The following MDFIC2 variants were observed in gnomAD, a reference collection of about 807,000 sequenced individuals.
MDFIC2 encodes myoD family inhibitor domain-containing protein 2.
intron 2 of MDFIC2, among the ~76,000 whole-genome samples, chr3:70,271,269 G>T (rs546369292): frequency 8.5e-5 from 13 of 152,152 alleles, no homozygotes; most frequent in African/African-American, 2.9e-4. Flanking sequence ...GACTAGGCAG[G>T]TAAGTAAATC....
intron 2 of MDFIC2, among the ~76,000 whole-genome samples, chr3:70,275,743 A>G (rs1192941501): frequency 6.6e-6 from 1 of 152,230 alleles, no homozygotes; most frequent in Non-Finnish European, 1.5e-5. Flanking sequence ...GTACAATTAA[A>G]TAAGTTATGA....
chr3:70,237,580 C>T (rs1017208426), intron 2 of MDFIC2, among the ~76,000 whole-genome samples: 1 of 152,216 alleles, frequency 6.6e-6, no homozygotes, highest in Admixed American at 6.5e-5. Context: ...AGGACAGGCT[C>T]TAATGTTTTT....
intron 2 of MDFIC2, among the ~76,000 whole-genome samples, chr3:70,217,642 C>T (rs1243887997): frequency 6.6e-6 from 1 of 152,162 alleles, no homozygotes; most frequent in Non-Finnish European, 1.5e-5. Flanking sequence ...ATATCCACCA[C>T]CTTTCTGTGG....
chr3:70,226,882 G>A (rs753631451), intron 2 of MDFIC2, among the ~76,000 whole-genome samples: 5 of 152,136 alleles, frequency 3.3e-5, no homozygotes, highest in Non-Finnish European at 5.9e-5. Flanking sequence ...GATGGAAAAG[G>A]AGAGAAGAGG....
chr3:70,303,864 G>A (rs1321964231), intron 2 of MDFIC2, among the ~76,000 whole-genome samples: 21 of 151,918 alleles, frequency 1.4e-4, no homozygotes, highest in Admixed American at 1.3e-3. Flanking sequence ...TGTATTTTTA[G>A]TAGAGATGGA....
chr3:70,252,896 A>G lies in MDFIC2; in HGVS notation c.89-46106T>C, dbSNP rs113696491. On this transcript the variant is annotated intron_variant, in intron 2 of 3. Coordinates refer to ENST00000567252, the MANE Select transcript of MDFIC2 (RefSeq NM_001364677.1). The stretch of plus-strand genomic sequence containing the variant: ...GGAGTTCGAGACCAGCGTGGCCAAC[A>G]TCGTGAAACCCCCTCTCTACTAAAA... 3.9e-4 allele frequency among the ~76,000 whole-genome samples: 59 copies of G among 152,180 alleles called. 1 individual carries two copies. Among genetic ancestry groups the G allele is most frequent in the African/African-American group, 1.4e-3 (59 of 41,536 alleles).
rs944869875 is a variant in MDFIC2, at chr3:70,206,744, A to G, written c.135T>C (p.Asn45=). The G allele has an allele frequency of 1.0e-5, 4 of 397,780 alleles. No homozygotes were observed. Among genetic ancestry groups the G allele is most frequent in the Admixed American group, 4.4e-5 (1 of 22,664 alleles). The allele number at this position is 397,780 out of a possible 1,614,324, so 24.6% of individuals were successfully genotyped here. A position where few individuals can be genotyped will look rare whatever the true frequency, so the allele number is the denominator to read the frequency against. Residue 45 remains asparagine (N), a synonymous_variant, in exon 3 of 4, where the codon AAT becomes AAC. Coordinates refer to ENST00000567252, the MANE Select transcript of MDFIC2 (RefSeq NM_001364677.1). ...CAGATACTGAATTTATAACAATAGC[A>G]TTAATGGGTTTCTCATCTGCATGCT... ...NAKHADEKPI[N]AIVINSVSDF...
intron 2 of MDFIC2, among the ~76,000 whole-genome samples, chr3:70,218,803 T>C (rs2106735169): frequency 6.6e-6 from 1 of 152,292 alleles, no homozygotes; most frequent in South Asian, 2.1e-4. Context: ...TCAAGTGCAT[T>C]GACTGTGCTT....
chr3:70,212,546 T>G (rs984499721), intron 2 of MDFIC2, among the ~76,000 whole-genome samples: 1 of 152,158 alleles, frequency 6.6e-6, no homozygotes, highest in African/African-American at 2.4e-5. Context: ...GTCTGCTTTT[T>G]CATTTCCATT....
At chr3:70,305,171 T>A (rs1219535192) in intron 2 of MDFIC2, among the ~76,000 whole-genome samples, 1 of 152,220 alleles carries the variant, frequency 6.6e-6, no homozygotes, top group East Asian at 1.9e-4. Context: ...ATCTACTTCA[T>A]GGTCTTGTTT....
chr3:70,309,097 C>T (rs1364805246), intron 2 of MDFIC2, among the ~76,000 whole-genome samples: 3 of 151,844 alleles, frequency 2.0e-5, no homozygotes, highest in East Asian at 1.9e-4. Flanking sequence ...GGTTGGAGGT[C>T]GACACATTTA....
At chr3:70,251,011 A>G (rs1051227099) in intron 2 of MDFIC2, among the ~76,000 whole-genome samples, 2 of 152,242 alleles carry the variant, frequency 1.3e-5, no homozygotes, top group African/African-American at 2.4e-5. Context: ...TTGTGAAATC[A>G]CCATTTAAAC....
At chr3:70,255,393 T>C (rs1041148766) in intron 2 of MDFIC2, among the ~76,000 whole-genome samples, 1 of 152,144 alleles carries the variant, frequency 6.6e-6, no homozygotes, top group African/African-American at 2.4e-5. Context: ...TAAGTAGATA[T>C]GGAATAAGCA....
chr3:70,303,413 A>C (rs1001692848), intron 2 of MDFIC2, among the ~76,000 whole-genome samples: 1 of 152,104 alleles, frequency 6.6e-6, no homozygotes, highest in African/African-American at 2.4e-5. Context: ...GAGGAAAAAA[A>C]ATTATGCGGA....
At chr3:70,294,049 G>A (rs1016088993) in intron 2 of MDFIC2, among the ~76,000 whole-genome samples, 1 of 152,008 alleles carries the variant, frequency 6.6e-6, no homozygotes, top group African/African-American at 2.4e-5. Flanking sequence ...TTTTTATTAA[G>A]GATACAGCTT....
At chr3:70,275,791 T>C (rs1312363896) in intron 2 of MDFIC2, among the ~76,000 whole-genome samples, 1 of 152,226 alleles carries the variant, frequency 6.6e-6, no homozygotes, top group Non-Finnish European at 1.5e-5. Flanking sequence ...ATAAGTGCTA[T>C]ATGAGGACCT....
intron 2 of MDFIC2, among the ~76,000 whole-genome samples, chr3:70,267,429 G>C (rs1701926423): frequency 8.9e-6 from 1 of 111,934 alleles, no homozygotes; most frequent in African/African-American, 3.6e-5. Flanking sequence ...TTGAGCGGGA[G>C]TCTCGCTCTG....
intron 2 of MDFIC2, among the ~76,000 whole-genome samples, chr3:70,231,547 G>A (rs1701560114): frequency 6.6e-6 from 1 of 152,180 alleles, no homozygotes; most frequent in African/African-American, 2.4e-5. Flanking sequence ...TGAATGACTT[G>A]TTAGTTGTGC....
chr3:70,302,828 T>C (rs1559558688), intron 2 of MDFIC2: 1 of 152,314 alleles, frequency 6.6e-6, no homozygotes, highest in Admixed American at 6.5e-5. Context: ...CATGGCATCT[T>C]GTAGGCCTTT....
Sources: allele counts gnomAD v4.1 joint callset (sites outside exome capture counted in the v4.1 genomes callset), GRCh38; gene constraint gnomAD v4.1.1; transcripts MANE v1.5; gene names NCBI Gene and HGNC (gene_info 2026-07-23, HGNC 2026-07-21).